PLCL1: variants seen among roughly 807,000 people sequenced by gnomAD.
PLCL1 encodes phospholipase C like 1 (inactive), also known as inactive phospholipase C-like protein 1.
A neutral mutation model predicts 84.4 loss-of-function variants in PLCL1; 41 were observed. The ratio of observed to expected loss-of-function variants is 0.49; its 90% CI spans 0.38 to 0.63. PLCL1 has a LOEUF of 0.63. Among genes scored for constraint, PLCL1 ranks in the 30% least tolerant of loss-of-function variants. PLCL1 has a pLI of 0.00. For synonymous variants in PLCL1, 490 were observed against 488.3 expected (o/e 1.00, Z -0.05); for missense variants, 1,206 against 1,367.8 (o/e 0.88, Z 1.87).
intron 5 of PLCL1, among the ~76,000 whole-genome samples, chr2:198,141,624 G>C (rs1002683348): frequency 6.6e-6 from 1 of 152,148 alleles, no homozygotes; most frequent in Non-Finnish European, 1.5e-5. Context: ...CCAACGGATG[G>C]TTTTTGAATT....
Position 198,001,870 on chromosome 2 carries a change from G to C in PLCL1, c.241-81888G>C, listed in dbSNP as rs558431087. 6.0e-4 allele frequency: 183 copies of C among 306,936 alleles called. 1 individual carries two copies. Among genetic ancestry groups the C allele is most frequent in the African/African-American group, 3.6e-3 (168 of 46,114 alleles). 19.0% of individuals were successfully genotyped at this position (306,936 alleles called of 1,614,324 possible). A position where few individuals can be genotyped will look rare whatever the true frequency, so the allele number is the denominator to read the frequency against. ...GGAGCGCGAAACCCTATTGTGAACT[G>C]TGCGTGTGAGGGATCTAGGTTACGT... On this transcript the variant is annotated intron_variant, in intron 1 of 5. Coordinates refer to ENST00000428675, the MANE Select transcript of PLCL1 (RefSeq NM_006226.4).
chr2:197,878,245 G>T (rs1233919657), intron 1 of PLCL1, among the ~76,000 whole-genome samples: 1 of 152,136 alleles, frequency 6.6e-6, no homozygotes, highest in African/African-American at 2.4e-5. Flanking sequence ...GCTGTGCTTA[G>T]ATCAGAAGTT....
intron 5 of PLCL1, among the ~76,000 whole-genome samples, chr2:198,114,342 CTTGGAGGTACACTTTT>C (rs1457517779): frequency 6.6e-6 from 1 of 151,656 alleles, no homozygotes; most frequent in Admixed American, 6.6e-5. Context: ...TTTAGCATCT[CTTGGAGGTACACTTTT>C]TTTTTTCAGA....
At chr2:198,114,176 C>T (rs1246251386) in intron 5 of PLCL1, among the ~76,000 whole-genome samples, 1 of 151,802 alleles carries the variant, frequency 6.6e-6, no homozygotes, top group African/African-American at 2.4e-5. Flanking sequence ...AATGTTAATG[C>T]TTCTTAGCAA....
chr2:197,961,918 G>T (rs1470930785), intron 1 of PLCL1, among the ~76,000 whole-genome samples: 1 of 152,046 alleles, frequency 6.6e-6, no homozygotes, highest in African/African-American at 2.4e-5. Context: ...TGGGAGGAAG[G>T]CTGTATCTGT....
At chr2:198,075,555 C>G (rs1234394932) in intron 1 of PLCL1, among the ~76,000 whole-genome samples, 1 of 152,094 alleles carries the variant, frequency 6.6e-6, no homozygotes, top group Non-Finnish European at 1.5e-5. Context: ...GGGAAGGATA[C>G]AAGAGGAGAA....
At chr2:197,813,569 C>G (rs138239025) in intron 1 of PLCL1, among the ~76,000 whole-genome samples, 9 of 151,894 alleles carry the variant, frequency 5.9e-5, no homozygotes, top group African/African-American at 2.2e-4. Context: ...TATAAAACAC[C>G]TAGTAACATC....
chr2:197,902,941 T>C (rs1688296614), intron 1 of PLCL1, among the ~76,000 whole-genome samples: 1 of 152,210 alleles, frequency 6.6e-6, no homozygotes, highest in Admixed American at 6.5e-5. Flanking sequence ...TGATACACTG[T>C]ACAAAATATA....
chr2:197,962,001 C>G (rs1689633505), intron 1 of PLCL1, among the ~76,000 whole-genome samples: 1 of 151,920 alleles, frequency 6.6e-6, no homozygotes. Context: ...ATCAAGCTAT[C>G]CTTGGAATGT....
intron 1 of PLCL1, among the ~76,000 whole-genome samples, chr2:197,930,613 A>T (rs1688912862): frequency 6.6e-6 from 1 of 152,174 alleles, no homozygotes; most frequent in South Asian, 2.1e-4. Context: ...TTGGAAAAAT[A>T]ATGTATGTTC....
intron 1 of PLCL1, among the ~76,000 whole-genome samples, chr2:197,859,663 C>G (rs1050254306): frequency 7.2e-5 from 11 of 152,076 alleles, no homozygotes; most frequent in Non-Finnish European, 1.6e-4. Flanking sequence ...TATCTATTAC[C>G]TTTCCTATGA....
At chr2:198,023,925 C>G (rs746665977) in intron 1 of PLCL1, among the ~76,000 whole-genome samples, 1 of 152,176 alleles carries the variant, frequency 6.6e-6, no homozygotes, top group Non-Finnish European at 1.5e-5. Context: ...ATAAATCATT[C>G]TACTATAAAG....
At chr2:197,894,789 G>A (rs1688101113) in intron 1 of PLCL1, among the ~76,000 whole-genome samples, 1 of 151,938 alleles carries the variant, frequency 6.6e-6, no homozygotes, top group African/African-American at 2.4e-5. Context: ...GAAATGTAAA[G>A]AGAAGTTTTG....
At chr2:197,886,411 C>CAAAAAAAAAAAAAAAAAAAAAAAAA (rs61183744) in intron 1 of PLCL1, among the ~76,000 whole-genome samples, 7 of 77,092 alleles carry the variant, frequency 9.1e-5, no homozygotes, top group Non-Finnish European at 1.9e-4. Flanking sequence ...GACTCTGTCT[C>CAAAAAAAAAAAAAAAAAAAAAAAAA]AAAAAAAAAA....
At chr2:197,841,469 T>C (rs988355349) in intron 1 of PLCL1, among the ~76,000 whole-genome samples, 3 of 152,236 alleles carry the variant, frequency 2.0e-5, no homozygotes, top group Non-Finnish European at 4.4e-5. Context: ...CAACTATGTA[T>C]AGTGTTTTCA....
At chr2:198,080,401 C>T (rs1388795362) in intron 1 of PLCL1, among the ~76,000 whole-genome samples, 1 of 152,198 alleles carries the variant, frequency 6.6e-6, no homozygotes, top group African/African-American at 2.4e-5. Flanking sequence ...TACTTTCTCA[C>T]CATCAATCTG....
intron 5 of PLCL1, among the ~76,000 whole-genome samples, chr2:198,119,712 AT>A (rs1343336681): frequency 1.3e-5 from 2 of 152,012 alleles, no homozygotes; most frequent in East Asian, 3.9e-4. Context: ...CTTATACACA[AT>A]TTTATTCCCA....
At chr2:197,867,873 A>G (rs1281217064) in intron 1 of PLCL1, among the ~76,000 whole-genome samples, 2 of 152,306 alleles carry the variant, frequency 1.3e-5, no homozygotes, top group East Asian at 3.9e-4. Context: ...TCATAAAAAA[A>G]ATTGAGTATG....
chr2:197,810,348 G>A (rs1690558276), intron 1 of PLCL1: 4 of 1,023,900 alleles, frequency 3.9e-6, no homozygotes, highest in Non-Finnish European at 5.4e-6. Context: ...TTACTTTGAT[G>A]AAAGGTTTTT....
Sources: gnomAD v4.1 joint callset for allele counts (sites outside exome capture counted in the v4.1 genomes callset) on GRCh38, gnomAD v4.1.1 for gene constraint, MANE v1.5 for transcripts, NCBI Gene and HGNC (gene_info 2026-07-23, HGNC 2026-07-21) for gene names.